Variants in NUP93 observed in about 807,000 individuals in gnomAD.
NUP93 encodes the protein nuclear pore complex protein Nup93.
In NUP93, 55 loss-of-function variants were observed where a neutral mutation model predicts 107.8. The observed-to-expected ratio is 0.51, with a 90% CI of 0.41 to 0.64. The LOEUF is 0.64. NUP93 is among the 30% of genes least tolerant of loss of function. The pLI, the probability that NUP93 is intolerant of heterozygous loss-of-function variation, is 0.00. For missense variants in NUP93, 937 were observed against 1,044.7 expected, an observed-to-expected ratio of 0.90 and a Z score of 1.42; for synonymous variants, 390 against 397.5, an observed-to-expected ratio of 0.98 and a Z score of 0.22.
intron 3 of NUP93, among the ~76,000 whole-genome samples, chr16:56,777,188 C>T (rs778830147): frequency 9.9e-5 from 15 of 152,176 alleles, no homozygotes; most frequent in Non-Finnish European, 2.2e-4. Context: ...CCCATTTTAG[C>T]CTCTTCCCAT....
At chr16:56,783,690 A>G in intron 3 of NUP93, 1 of 985,426 alleles carries the variant, frequency 1.0e-6, no homozygotes, top group Non-Finnish European at 1.2e-6. Context: ...AATTAGCTGT[A>G]TCATGGTCGA....
intron 7 of NUP93, among the ~76,000 whole-genome samples, chr16:56,822,237 TGTG>T (rs1963560588): frequency 6.6e-6 from 1 of 151,948 alleles, no homozygotes; most frequent in Admixed American, 6.6e-5. Flanking sequence ...CTCAGCCCGT[TGTG>T]GTGGCTCACA....
intron 19 of NUP93, chr16:56,839,274 C>A: frequency 3.4e-6 from 1 of 294,028 alleles, no homozygotes; most frequent in Non-Finnish European, 6.1e-6. Context: ...TATTCCTTTC[C>A]CCTTTAATCT....
At chr16:56,732,044 T>C (rs1045477105) in intron 1 of NUP93, among the ~76,000 whole-genome samples, 1 of 152,192 alleles carries the variant, frequency 6.6e-6, no homozygotes, top group Non-Finnish European at 1.5e-5. Context: ...ACGTCAGACA[T>C]GCTTTAGCCT....
Position 56,782,009 on chromosome 16 carries a change from G to A in NUP93, c.298-16467G>A, listed in dbSNP as rs958844168. 8.1e-6 allele frequency: 8 copies of A among 985,284 alleles called. No homozygotes were observed. The African/African-American group carries it at 1.2e-4, about 15-fold the overall frequency. The allele number at this position is 985,284 out of a possible 1,614,324, so 61.0% of individuals were successfully genotyped here. On this transcript the variant is annotated intron_variant, in intron 3 of 21. Transcript: ENST00000308159. ...CAGTCACATCAGCACTTGCAGAGGG[G>A]TTGTTCTTTTCCTTTTTCTTCTTTC...
intron 12 of NUP93, 51 bp from the exon 13 acceptor site, chr16:56,833,164 A>G (rs778575775): frequency 6.6e-7 from 1 of 1,508,946 alleles, no homozygotes; most frequent in Non-Finnish European, 8.9e-7. Flanking sequence ...GCCACCAGTG[A>G]GCCCCTTCTT....
intron 5 of NUP93, among the ~76,000 whole-genome samples, chr16:56,815,898 G>GCT (rs1555495732): frequency 0.25 from 35,058 of 137,500 alleles, 4,205 homozygotes; most frequent in Non-Finnish European, 0.29. Flanking sequence ...TGCTGCTGCT[G>GCT]GTGCTGCTGC....
At chr16:56,750,394 A>G (rs1236622113) in intron 2 of NUP93, among the ~76,000 whole-genome samples, 2 of 152,268 alleles carry the variant, frequency 1.3e-5, no homozygotes, top group Admixed American at 6.5e-5. Flanking sequence ...ATTTTCTTAC[A>G]TGAAATAAGT....
chr16:56,837,273 C>A (rs1422632276), intron 17 of NUP93, among the ~76,000 whole-genome samples: 2 of 152,176 alleles, frequency 1.3e-5, no homozygotes, highest in African/African-American at 4.8e-5. Flanking sequence ...GACAAAAAAA[C>A]AGCTATAGGC....
At chr16:56,815,895 G>GCTGCTC (rs1420822805) in intron 5 of NUP93, among the ~76,000 whole-genome samples, 2 of 138,344 alleles carry the variant, frequency 1.4e-5, no homozygotes, top group East Asian at 2.0e-4. Context: ...TGCTGCTGCT[G>GCTGCTC]CTGGTGCTGC....
At chr16:56,777,607 C>G (rs1962438199) in intron 3 of NUP93, among the ~76,000 whole-genome samples, 1 of 152,156 alleles carries the variant, frequency 6.6e-6, no homozygotes, top group Non-Finnish European at 1.5e-5. Context: ...TCATTCTCAG[C>G]TAATTAGTAA....
intron 3 of NUP93, among the ~76,000 whole-genome samples, chr16:56,777,304 T>G (rs886600253): frequency 6.6e-6 from 1 of 152,194 alleles, no homozygotes; most frequent in South Asian, 2.1e-4. Flanking sequence ...CTGGCCCACT[T>G]ATAAACCCTG....
rs749310739 is a variant in NUP93, at chr16:56,831,883, G to A, written c.1127G>A (p.Arg376His). Residue 376 changes from arginine (R) to histidine (H), a missense_variant, in exon 11 of 22, where the codon CGT becomes CAT. Physicochemically the swap from Arg to His is conservative, Grantham distance 29. Transcript: ENST00000308159. ...ATENKLRLHY[R>H]RALRNNTDPY... ...GAAAACAAGCTCCGGCTGCATTACC[G>A]TAGGGCCCTCAGGAACAATACAGAT... 11 of 1,613,868 alleles carry A rather than the reference G, an allele frequency of 6.8e-6. No homozygotes were observed. The highest frequency in any genetic ancestry group is 1.3e-5 in the African/African-American group (1 of 74,866).
At chr16:56,805,346 C>A in intron 4 of NUP93, 158 bp from the exon 5 acceptor site, 1 of 749,282 alleles carries the variant, frequency 1.3e-6, no homozygotes, top group Non-Finnish European at 2.1e-6. Context: ...CCACGCTCAG[C>A]CAGTAAATTC....
intron 5 of NUP93, among the ~76,000 whole-genome samples, chr16:56,807,348 T>C (rs576855925): frequency 6.6e-6 from 1 of 152,234 alleles, no homozygotes; most frequent in Non-Finnish European, 1.5e-5. Flanking sequence ...CCCCTTCTTA[T>C]TCAACACTTT....
intron 3 of NUP93, among the ~76,000 whole-genome samples, chr16:56,796,725 TC>T (rs1441251711): frequency 2.0e-5 from 3 of 152,184 alleles, no homozygotes; most frequent in African/African-American, 7.2e-5. Context: ...ACACCTGTAA[TC>T]CTAGCACTTT....
In NUP93 at chr16:56,837,709, A is replaced by T; in HGVS notation, c.2001A>T (p.Ala667=). 6.2e-7 allele frequency: 1 copy of T among 1,613,618 alleles called. No individual in the cohort carries two copies. Among genetic ancestry groups the T allele is most frequent in the East Asian group, 2.2e-5 (1 of 44,838 alleles). ...QSNKERLKNM[A]LSIAERYRAQ... ...ACAAGGAGAGGCTGAAGAACATGGC[A>T]CTCTCCATTGCCGAACGGTAAGCCA... The change falls in exon 18 of 22, where the codon GCA becomes GCT. Residue 667 remains alanine, a synonymous_variant. Transcript: ENST00000308159.
chr16:56,793,634 G>A (rs1192403764), intron 3 of NUP93, among the ~76,000 whole-genome samples: 1 of 152,166 alleles, frequency 6.6e-6, no homozygotes, highest in African/African-American at 2.4e-5. Context: ...GGGAAGTCAG[G>A]AGATCTGTGG....
intron 1 of NUP93, among the ~76,000 whole-genome samples, chr16:56,744,880 G>GC (rs1280446276): frequency 4.6e-5 from 7 of 152,290 alleles, no homozygotes; most frequent in African/African-American, 1.7e-4. Context: ...ATCTCTGCTT[G>GC]CTAGTGGGTG....
Sources: allele counts gnomAD v4.1 joint callset (sites outside exome capture counted in the v4.1 genomes callset), GRCh38; gene constraint gnomAD v4.1.1; transcripts MANE v1.5; gene names NCBI Gene and HGNC (gene_info 2026-07-23, HGNC 2026-07-21).